The following CATSPERB variants were observed in gnomAD, a reference collection of about 807,000 sequenced individuals.
CATSPERB encodes cation channel sperm-associated auxiliary subunit beta.
Under a neutral mutation model 128.3 loss-of-function variants are expected in CATSPERB, and 93 were observed. That is an observed-to-expected ratio of 0.72 (90% confidence interval 0.61 to 0.86). The LOEUF (loss-of-function observed/expected upper bound fraction) is 0.86. CATSPERB is among the 40% of genes least tolerant of loss of function. CATSPERB has a pLI of 0.00. For missense variants in CATSPERB, 1,153 were observed against 1,329.5 expected, an observed-to-expected ratio of 0.87 and a Z score of 2.06; for synonymous variants, 381 against 448.8, an observed-to-expected ratio of 0.85 and a Z score of 1.91.
At chr14:91,724,094 T>A (rs963722474) in intron 3 of CATSPERB, among the ~76,000 whole-genome samples, 11 of 152,296 alleles carry the variant, frequency 7.2e-5, no homozygotes, top group South Asian at 2.1e-4. Context: ...AACTTTTTTT[T>A]AAAATGCCTG....
chr14:91,590,016 C>T (rs186433589), intron 23 of CATSPERB, among the ~76,000 whole-genome samples: 537 of 152,258 alleles, frequency 3.5e-3, no homozygotes, highest in Non-Finnish European at 6.1e-3. Context: ...GTCAGTCTTG[C>T]GGGCACAATC....
At chr14:91,634,339 G>A (rs1894330639) in intron 17 of CATSPERB, among the ~76,000 whole-genome samples, 2 of 152,098 alleles carry the variant, frequency 1.3e-5, no homozygotes, top group South Asian at 2.1e-4. Context: ...GGGTGGCAGA[G>A]GCAGAAAAAT....
chr14:91,606,155 G>A (rs574356473), intron 22 of CATSPERB, among the ~76,000 whole-genome samples: 7 of 152,152 alleles, frequency 4.6e-5, no homozygotes, highest in African/African-American at 7.2e-5. Context: ...CAGCCTGGGC[G>A]ACAGAGCAAG....
At chr14:91,599,252 C>T (rs1221970065) in intron 22 of CATSPERB, among the ~76,000 whole-genome samples, 1 of 152,082 alleles carries the variant, frequency 6.6e-6, no homozygotes, top group Non-Finnish European at 1.5e-5. Flanking sequence ...AGACAGGTCT[C>T]AGTTAATTTA....
At chr14:91,640,346 A>C in intron 15 of CATSPERB, among the ~76,000 whole-genome samples, 1 of 142,122 alleles carries the variant, frequency 7.0e-6, no homozygotes, top group Non-Finnish European at 1.5e-5. Flanking sequence ...TGCACCCACT[A>C]ACTCGTCATC....
At chr14:91,605,337 G>C in intron 22 of CATSPERB, 1 of 709,614 alleles carries the variant, frequency 1.4e-6, no homozygotes, top group South Asian at 1.8e-5. Flanking sequence ...TTGGGGAAGA[G>C]GAGGAAAAAA....
At chr14:91,659,448 C>T (rs951758710) in intron 15 of CATSPERB, among the ~76,000 whole-genome samples, 4 of 152,196 alleles carry the variant, frequency 2.6e-5, no homozygotes, top group Non-Finnish European at 5.9e-5. Context: ...CACAACTCCA[C>T]CATTACTGGT....
intron 15 of CATSPERB, among the ~76,000 whole-genome samples, chr14:91,652,370 A>G (rs985900005): frequency 2.0e-5 from 3 of 152,094 alleles, no homozygotes; most frequent in Admixed American, 6.5e-5. Context: ...TCAGTGAAAT[A>G]CCATTAGGCT....
intron 19 of CATSPERB, 112 bp from the exon 20 acceptor site, chr14:91,617,848 G>T: frequency 2.6e-6 from 2 of 760,226 alleles, no homozygotes; most frequent in Non-Finnish European, 4.3e-6. Flanking sequence ...TCTGAAGGTT[G>T]CACAATGACT....
intron 22 of CATSPERB, chr14:91,604,478 G>A: frequency 6.4e-7 from 1 of 1,574,136 alleles, no homozygotes; most frequent in Non-Finnish European, 8.6e-7. Context: ...AAAATACCTA[G>A]TGGTCTGCTG....
intron 26 of CATSPERB, among the ~76,000 whole-genome samples, chr14:91,583,646 C>T (rs935518873): frequency 6.6e-6 from 1 of 152,160 alleles, no homozygotes; most frequent in African/African-American, 2.4e-5. Context: ...GTTTTAGATA[C>T]AATGTCTATT....
chr14:91,638,925 T>C (rs976739096), intron 16 of CATSPERB, among the ~76,000 whole-genome samples, 171 bp downstream of exon 16: 1 of 152,182 alleles, frequency 6.6e-6, no homozygotes, highest in African/African-American at 2.4e-5. Flanking sequence ...TGGAAGAAGA[T>C]TTGGAGATGT....
chr14:91,638,667 C>A (rs576366960), intron 16 of CATSPERB, among the ~76,000 whole-genome samples: 1 of 152,140 alleles, frequency 6.6e-6, no homozygotes, highest in Non-Finnish European at 1.5e-5. Flanking sequence ...AGCGATCAAC[C>A]CACCTCAGCC....
chr14:91,670,721 T>A (rs1388588357), intron 13 of CATSPERB, among the ~76,000 whole-genome samples: 1 of 150,216 alleles, frequency 6.7e-6, no homozygotes, highest in Non-Finnish European at 1.5e-5. Flanking sequence ...ATGCCACTTT[T>A]GGCCAGGCGC....
intron 15 of CATSPERB, among the ~76,000 whole-genome samples, chr14:91,645,668 T>G (rs1894585134): frequency 7.6e-6 from 1 of 131,204 alleles, no homozygotes; most frequent in Non-Finnish European, 1.6e-5. Context: ...TTTGTTTGTC[T>G]GTGCCCTGCC....
intron 1 of CATSPERB, among the ~76,000 whole-genome samples, chr14:91,730,995 T>C (rs893848231): frequency 6.6e-6 from 1 of 152,218 alleles, no homozygotes; most frequent in Non-Finnish European, 1.5e-5. Context: ...TGCTCAAGTA[T>C]ATTTTTGGTG....
intron 22 of CATSPERB, chr14:91,603,577 C>T: frequency 1.5e-6 from 1 of 655,078 alleles, no homozygotes; most frequent in Admixed American, 2.6e-5. Flanking sequence ...GAAGCGCGCA[C>T]TGCCCTCAGA....
At chr14:91,660,662 A>T (rs4904803) in intron 14 of CATSPERB, among the ~76,000 whole-genome samples, 14,943 of 152,144 alleles carry the variant, frequency 0.098, 797 homozygotes, top group Middle Eastern at 0.16. Context: ...TTGGATTTTT[A>T]AAAAATTAAT....
At chr14:91,668,379 ACT>A (rs1172564247) in intron 14 of CATSPERB, among the ~76,000 whole-genome samples, 4 of 151,918 alleles carry the variant, frequency 2.6e-5, no homozygotes, top group Non-Finnish European at 5.9e-5. Flanking sequence ...ACCAATCAGC[ACT>A]CTGTGTCTAG....
Sources: gnomAD v4.1 joint callset for allele counts (sites outside exome capture counted in the v4.1 genomes callset) on GRCh38, gnomAD v4.1.1 for gene constraint, MANE v1.5 for transcripts, NCBI Gene and HGNC (gene_info 2026-07-23, HGNC 2026-07-21) for gene names.